PTPRD: variants seen among roughly 807,000 people sequenced by gnomAD.
PTPRD encodes protein tyrosine phosphatase receptor type D, also known as receptor-type tyrosine-protein phosphatase delta.
PTPRD carries 34 observed loss-of-function variants against 214.5 expected under a neutral mutation model. The observed-to-expected ratio is 0.16, with a 90% CI of 0.12 to 0.21. The LOEUF is 0.21. Ranked by LOEUF, PTPRD falls within the 10% of genes least tolerant of loss-of-function variation. The probability of loss-of-function intolerance (pLI) is 1.00; values close to 1 mark genes in which losing one functional copy is unlikely to be tolerated. For missense variants in PTPRD, 2,545 were observed against 2,398.7 expected, an observed-to-expected ratio of 1.06 and a Z score of -1.27; for synonymous variants, 1,128 against 845.7, an observed-to-expected ratio of 1.33 and a Z score of -5.79.
intron 17 of PTPRD, among the ~76,000 whole-genome samples, chr9:8,525,370 C>G (rs2073826228): frequency 6.6e-6 from 1 of 151,796 alleles, no homozygotes; most frequent in Non-Finnish European, 1.5e-5. Context: ...TTAAATAAAA[C>G]AAAAGATTAA....
intron 3 of PTPRD, among the ~76,000 whole-genome samples, chr9:10,291,883 T>C (rs2095537527): frequency 6.6e-6 from 1 of 152,054 alleles, no homozygotes; most frequent in East Asian, 1.9e-4. Context: ...GAGCCACTCA[T>C]TTATAGTACT....
At position 10,115,510 on chromosome 9, in the gene PTPRD, A is replaced by T. The variant is rs77688485; in HGVS notation, c.-544-81720T>A. 3.8e-3 allele frequency among the ~76,000 whole-genome samples: 580 copies of T among 152,226 alleles called. 3 individuals carry two copies. Among genetic ancestry groups the T allele is most frequent in the African/African-American group, 0.013 (554 of 41,562 alleles). ...TGCTTCTTTACAATTTGGCCAAGGG[A>T]CACTGAAAGTTAACCCACAACTTGC... On this transcript the variant is annotated intron_variant, in intron 3 of 45. Transcript: ENST00000381196.
intron 10 of PTPRD, among the ~76,000 whole-genome samples, chr9:9,111,954 A>C (rs1317682310): frequency 6.6e-6 from 1 of 152,162 alleles, no homozygotes; most frequent in African/African-American, 2.4e-5. Flanking sequence ...AGGAGAAAAG[A>C]AGGTGCAAAA....
chr9:9,629,190 T>TA (rs2095512165), intron 7 of PTPRD, among the ~76,000 whole-genome samples: 1 of 147,426 alleles, frequency 6.8e-6, no homozygotes, highest in African/African-American at 2.6e-5. Flanking sequence ...AATAAATAAA[T>TA]AAAAATTAAA....
intron 14 of PTPRD, among the ~76,000 whole-genome samples, chr9:8,608,302 CG>C (rs1410412455): frequency 1.3e-5 from 2 of 152,030 alleles, no homozygotes; most frequent in Non-Finnish European, 2.9e-5. Flanking sequence ...GGATGAAAAA[CG>C]GCACATTATA....
At chr9:8,743,501 G>C (rs2092374356) in intron 11 of PTPRD, among the ~76,000 whole-genome samples, 1 of 152,094 alleles carries the variant, frequency 6.6e-6, no homozygotes, top group South Asian at 2.1e-4. Flanking sequence ...TAGCAATAGA[G>C]ATCAATAGTG....
chr9:9,388,361 CCT>C (rs1473414346), intron 9 of PTPRD, among the ~76,000 whole-genome samples: 1 of 152,158 alleles, frequency 6.6e-6, no homozygotes, highest in Non-Finnish European at 1.5e-5. Context: ...ACCACACACT[CCT>C]CTACTCAGCA....
intron 9 of PTPRD, among the ~76,000 whole-genome samples, chr9:9,211,585 A>T (rs2099948753): frequency 6.6e-6 from 1 of 151,830 alleles, no homozygotes. Context: ...TCTCAATGAT[A>T]TTAAGAAGTT....
At chr9:9,323,312 T>C (rs1406153838) in intron 9 of PTPRD, among the ~76,000 whole-genome samples, 1 of 152,112 alleles carries the variant, frequency 6.6e-6, no homozygotes, top group Non-Finnish European at 1.5e-5. Flanking sequence ...GTTCACTGAG[T>C]TGGTTTAATC....
intron 11 of PTPRD, among the ~76,000 whole-genome samples, chr9:8,855,793 C>T (rs778021550): frequency 6.6e-6 from 1 of 152,160 alleles, no homozygotes; most frequent in Non-Finnish European, 1.5e-5. Flanking sequence ...CATCCCCTTG[C>T]TGTCCTTCCT....
chr9:10,368,488 C>A (rs1200235484), intron 2 of PTPRD, among the ~76,000 whole-genome samples: 1 of 151,972 alleles, frequency 6.6e-6, no homozygotes, highest in Non-Finnish European at 1.5e-5. Flanking sequence ...ACATTCAATG[C>A]AATGGGTTTT....
chr9:9,229,696 CA>C (rs541640221), intron 9 of PTPRD, among the ~76,000 whole-genome samples: 1 of 151,768 alleles, frequency 6.6e-6, no homozygotes, highest in Non-Finnish European at 1.5e-5. Context: ...GCTGGGCTGA[CA>C]AAAAAATACA....
intron 3 of PTPRD, among the ~76,000 whole-genome samples, chr9:10,209,809 T>C (rs1178646528): frequency 6.6e-6 from 1 of 152,124 alleles, no homozygotes; most frequent in Non-Finnish European, 1.5e-5. Flanking sequence ...AAACATTTTC[T>C]ACATCAAAAA....
At chr9:9,214,079 T>G (rs1382042524) in intron 9 of PTPRD, among the ~76,000 whole-genome samples, 1 of 152,176 alleles carries the variant, frequency 6.6e-6, no homozygotes, top group Non-Finnish European at 1.5e-5. Flanking sequence ...AACAAGATGG[T>G]AACCATGGAA....
intron 2 of PTPRD, among the ~76,000 whole-genome samples, chr9:10,598,674 A>ATGTGTGTGTGTG (rs36093644): frequency 7.0e-6 from 1 of 143,796 alleles, no homozygotes; most frequent in African/African-American, 2.6e-5. Context: ...TTATATATGT[A>ATGTGTGTGTGTG]TGTGTGTGTG....
At chr9:10,552,338 A>G (rs2061528000) in intron 2 of PTPRD, among the ~76,000 whole-genome samples, 1 of 152,184 alleles carries the variant, frequency 6.6e-6, no homozygotes, top group Non-Finnish European at 1.5e-5. Context: ...CTATCACACC[A>G]TGCTTTTGGA....
At position 8,402,377 on chromosome 9, in the gene PTPRD, C is replaced by T. The variant is rs10977051; in HGVS notation, c.4210+2160G>A. Among the ~76,000 whole-genome samples the T allele has an allele frequency of 1.4e-4, 21 of 152,042 alleles. No individual in the cohort carries two copies. The East Asian group carries it at 4.1e-3, about 29-fold the overall frequency. On this transcript the variant is annotated intron_variant, in intron 36 of 45. Coordinates refer to ENST00000381196, the MANE Select transcript of PTPRD (RefSeq NM_002839.4). ...GATACAAGGAGGTATAGTTTTTATC[C>T]CTCAACATACTTTAAAGATGTGGAA... is the stretch of plus-strand genomic sequence containing the variant.
At chr9:9,360,106 T>G (rs549664700) in intron 9 of PTPRD, among the ~76,000 whole-genome samples, 1 of 151,246 alleles carries the variant, frequency 6.6e-6, no homozygotes, top group African/African-American at 2.4e-5. Context: ...AATTTAATAT[T>G]TGTGGTAAGT....
At chr9:8,856,497 C>A (rs1334334863) in intron 11 of PTPRD, among the ~76,000 whole-genome samples, 1 of 152,162 alleles carries the variant, frequency 6.6e-6, no homozygotes, top group Non-Finnish European at 1.5e-5. Flanking sequence ...ACTGTGTGAG[C>A]TACACTCTGT....
Sources: gnomAD v4.1 joint callset for allele counts (sites outside exome capture counted in the v4.1 genomes callset) on GRCh38, gnomAD v4.1.1 for gene constraint, MANE v1.5 for transcripts, NCBI Gene and HGNC (gene_info 2026-07-23, HGNC 2026-07-21) for gene names.